HPS3: variants seen among roughly 807,000 people sequenced by gnomAD.
The protein encoded by HPS3 is HPS3 biogenesis of lysosomal organelles complex 2 subunit 1.
HPS3 carries 79 observed loss-of-function variants against 110.9 expected under a neutral mutation model. That is an observed-to-expected ratio of 0.71 (90% CI 0.59 to 0.86). The LOEUF is 0.86. Ranked by LOEUF, HPS3 falls within the 40% of genes least tolerant of loss-of-function variation. The pLI is 0.00. For synonymous variants in HPS3, 428 were observed against 451.0 expected, an observed-to-expected ratio of 0.95 and a Z score of 0.65; for missense variants, 1,197 against 1,206.2, an observed-to-expected ratio of 0.99 and a Z score of 0.11.
chr3:149,155,004 T>A lies in HPS3; in HGVS notation c.1401-103T>A, dbSNP rs78446902. 10,881 of 735,602 alleles carry A rather than the reference T, an allele frequency of 0.015. 119 individuals are homozygous for A. The highest frequency in any genetic ancestry group is 0.02 in the Non-Finnish European group (8,079 of 406,676). 45.6% of individuals were successfully genotyped at this position (735,602 alleles called of 1,614,324 possible). A position where few individuals can be genotyped will look rare whatever the true frequency, so the allele number is the denominator to read the frequency against. ...GTTAATCACTGAGGAAAATAGTAAA[T>A]GAAAATGATTTTATAGTTATTTTAT... On this transcript the variant is annotated intron_variant, in intron 7 of 16. Coordinates refer to ENST00000296051, the MANE Select transcript of HPS3 (RefSeq NM_032383.5).
intron 10 of HPS3, among the ~76,000 whole-genome samples, chr3:149,159,726 T>C (rs1442328991): frequency 6.6e-6 from 1 of 152,222 alleles, no homozygotes; most frequent in Admixed American, 6.5e-5. Context: ...GTAGTTTTTA[T>C]GATGGATTTT....
In HPS3 at chr3:149,141,114, A is replaced by G. The variant is rs1559909416; in HGVS notation, c.810A>G (p.Leu270=). 7.4e-6 allele frequency: 12 copies of G among 1,613,698 alleles called. No homozygotes were observed. Among genetic ancestry groups the G allele is most frequent in the South Asian group, 1.1e-5 (1 of 91,044 alleles). Residue 270 remains leucine (L), a synonymous_variant, in exon 3 of 17, where the codon TTA becomes TTG. Transcript: ENST00000296051. ...LLGEKSEQSG[L]SVTLESTGLA... ...GTGAAAAAAGTGAACAGTCTGGATT[A>G]TCTGTTACACTGGAGTCTACGGGAT...
At chr3:149,143,700 G>T (rs1290495448) in intron 4 of HPS3, among the ~76,000 whole-genome samples, 1 of 152,152 alleles carries the variant, frequency 6.6e-6, no homozygotes, top group Non-Finnish European at 1.5e-5. Context: ...AAAATTATGT[G>T]TATTTGGAGA....
At chr3:149,138,568 T>G (rs1193172939) in intron 1 of HPS3, among the ~76,000 whole-genome samples, 1 of 152,130 alleles carries the variant, frequency 6.6e-6, no homozygotes, top group Non-Finnish European at 1.5e-5. Context: ...AAGATACATA[T>G]AGTATACTCT....
At chr3:149,144,347 C>T (rs1392440521) in intron 4 of HPS3, among the ~76,000 whole-genome samples, 5 of 152,168 alleles carry the variant, frequency 3.3e-5, no homozygotes, top group Admixed American at 3.3e-4. Flanking sequence ...CGTGCCACTG[C>T]ACTCCAGCCT....
intron 14 of HPS3, among the ~76,000 whole-genome samples, 192 bp downstream of exon 14, chr3:149,164,141 C>G (rs1217497666): frequency 2.0e-5 from 3 of 152,142 alleles, no homozygotes; most frequent in Non-Finnish European, 4.4e-5. Context: ...GGTTGGAACA[C>G]CTGTGCTGAG....
intron 13 of HPS3, 46 bp from the exon 14 acceptor site, chr3:149,163,796 C>T (rs373443188): frequency 9.6e-7 from 1 of 1,044,528 alleles, no homozygotes; most frequent in South Asian, 1.3e-5. Flanking sequence ...GATAAGCAAG[C>T]TTTTGTTGTT....
intron 14 of HPS3, 105 bp from the exon 15 acceptor site, chr3:149,166,924 CTATTT>C (rs1373764331): frequency 1.2e-6 from 1 of 830,452 alleles, no homozygotes; most frequent in Non-Finnish European, 2.1e-6. Context: ...GGCATTCTTT[CTATTT>C]TATTTTTGGC....
intron 16 of HPS3, among the ~76,000 whole-genome samples, chr3:149,169,038 CGTGTGTGT>C (rs34076994): frequency 6.7e-6 from 1 of 149,702 alleles, no homozygotes; most frequent in Non-Finnish European, 1.5e-5. Flanking sequence ...TGTGTGCATA[CGTGTGTGT>C]GTGTGTGTGT....
chr3:149,148,399 C>CTTTTTT (rs66720211), intron 5 of HPS3, among the ~76,000 whole-genome samples: 67 of 100,350 alleles, frequency 6.7e-4, no homozygotes, highest in Non-Finnish European at 1.1e-3. Flanking sequence ...CATATCAAGA[C>CTTTTTT]TTTTTTTTTT....
At chr3:149,164,195 T>C (rs889640440) in intron 14 of HPS3, among the ~76,000 whole-genome samples, 2 of 152,212 alleles carry the variant, frequency 1.3e-5, no homozygotes, top group African/African-American at 4.8e-5. Context: ...TCACCAAGTC[T>C]CCTGGCTGAT....
rs1247241714 is a variant in HPS3 at position 149,145,382 on chromosome 3, G to A, written c.999G>A (p.Leu333=). The A allele has an allele frequency of 1.9e-6, 3 of 1,613,658 alleles. No homozygotes were observed. The South Asian group carries it at 3.3e-5, about 18-fold the overall frequency. The change falls in exon 5 of 17, where the codon TTG becomes TTA. Residue 333 remains leucine, a synonymous_variant. Coordinates refer to ENST00000296051, the MANE Select transcript of HPS3 (RefSeq NM_032383.5). ...TGSLTSDGKN[L]SQEKELLSLF... The stretch of plus-strand genomic sequence containing the variant: ...CTCTTACATCTGATGGAAAAAATTT[G>A]TCTCAGGAAAAAGAATTGCTGAGTC...
At chr3:149,162,955 T>C in intron 13 of HPS3, 77 bp downstream of exon 13, 2 of 1,214,166 alleles carry the variant, frequency 1.6e-6, no homozygotes. Context: ...TTTAATAACT[T>C]ATTATAAAAT....
Position 149,167,242 on chromosome 3 carries a change from T to C in HPS3, c.2796+2T>C, listed in dbSNP as rs1476066527. The C allele has an allele frequency of 1.2e-6, 2 of 1,608,830 alleles. No homozygotes were observed. The highest frequency in any genetic ancestry group is 4.5e-5 in the East Asian group (2 of 44,730). ...CATGAACTGAAAGAAGAGAACCGGG[T>C]ATGCTTTTTCAGATTATGTTTTTAG... On this transcript the variant is annotated splice_donor_variant, in intron 15 of 16. Transcript: ENST00000296051. LOFTEE classifies it high-confidence loss of function.
chr3:149,146,148 A>G (rs911640077), intron 5 of HPS3, among the ~76,000 whole-genome samples: 23 of 152,234 alleles, frequency 1.5e-4, no homozygotes, highest in Admixed American at 1.4e-3. Context: ...TCTCAGCAGC[A>G]TATGATGGTT....
At chr3:149,143,958 G>A (rs747012453) in intron 4 of HPS3, among the ~76,000 whole-genome samples, 13 of 152,176 alleles carry the variant, frequency 8.5e-5, no homozygotes, top group Non-Finnish European at 1.6e-4. Context: ...AGCTTCAACA[G>A]TGTTGCTCCA....
intron 1 of HPS3, among the ~76,000 whole-genome samples, chr3:149,131,740 C>CT (rs1286192540): frequency 6.6e-6 from 1 of 152,176 alleles, no homozygotes; most frequent in Non-Finnish European, 1.5e-5. Flanking sequence ...AATGATTAAG[C>CT]TTAGTGAGGA....
In HPS3 at chr3:149,153,594, C is replaced by CT; in HGVS notation, c.1347dup (p.Lys450Ter). On this transcript the variant is annotated frameshift_variant, in exon 7 of 17. Transcript: ENST00000296051. LOFTEE classifies it high-confidence loss of function. ...TTTAAAAACCACATCATACTTTTGACTAAAGCAGAACCTGAAGCCATTCCA... is the reference window on the plus strand; with the variant it reads ...TTTAAAAACCACATCATACTTTTGACTTAAAGCAGAACCTGAAGCCATTCCA... 1 of 1,614,170 alleles carries CT rather than the reference C, an allele frequency of 6.2e-7. No homozygotes were observed. Among genetic ancestry groups the CT allele is most frequent in the Non-Finnish European group, 8.5e-7 (1 of 1,180,008 alleles).
rs771573991 is a variant in HPS3, at chr3:149,163,925, T to C, written c.2565T>C (p.Tyr855=). Residue 855 remains tyrosine, a synonymous_variant, in exon 14 of 17, where the codon TAT becomes TAC. Transcript: ENST00000296051. ...CTGATTCTTTAGCTGATAAAAATTATACAGAAGATCTTTCAAAATTACAGG... is the reference window on the plus strand; with the variant it reads ...CTGATTCTTTAGCTGATAAAAATTACACAGAAGATCTTTCAAAATTACAGG... ...ISSDSLADKN[Y]TEDLSKLQSL... 11 of 1,544,380 alleles carry C rather than the reference T, an allele frequency of 7.1e-6. No homozygotes were observed. In the African/African-American group the frequency reaches 1.1e-4, roughly 15 times the overall value.
Sources: gnomAD v4.1 joint callset for allele counts (sites outside exome capture counted in the v4.1 genomes callset) on GRCh38, gnomAD v4.1.1 for gene constraint, MANE v1.5 for transcripts, NCBI Gene and HGNC (gene_info 2026-07-23, HGNC 2026-07-21) for gene names.